AKAIN1: variants seen among roughly 807,000 people sequenced by gnomAD.
The protein encoded by AKAIN1 is A-kinase anchor protein inhibitor 1.
Under a neutral mutation model 3.7 loss-of-function variants are expected in AKAIN1, and 3 were observed. That is an observed-to-expected ratio of 0.82 (90% CI 0.37 to 2.12). AKAIN1 has a LOEUF of 2.12. Ranked by LOEUF, AKAIN1 falls within the 30% of genes most tolerant of loss-of-function variation. The pLI, the probability that AKAIN1 is intolerant of heterozygous loss-of-function variation, is 0.06. For synonymous variants in AKAIN1, 31 were observed against 30.8 expected (o/e 1.01, Z -0.02); for missense variants, 82 against 82.7 (o/e 0.99, Z 0.03).
chr18:5,191,315 G>A (rs1605154), intron 1 of AKAIN1, among the ~76,000 whole-genome samples: 135,410 of 152,196 alleles, frequency 0.89, 61,112 homozygotes, highest in East Asian at 1. Flanking sequence ...ATAGAAAACA[G>A]GGTCAACATG....
intron 1 of AKAIN1, among the ~76,000 whole-genome samples, chr18:5,147,871 A>G (rs1388888596): frequency 2.6e-5 from 4 of 152,214 alleles, no homozygotes; most frequent in Admixed American, 6.5e-5. Flanking sequence ...GACCAAGAAG[A>G]ATAGAAATTT....
At chr18:5,164,936 T>A (rs2071159522) in intron 1 of AKAIN1, among the ~76,000 whole-genome samples, 1 of 152,068 alleles carries the variant, frequency 6.6e-6, no homozygotes, top group African/African-American at 2.4e-5. Flanking sequence ...TAATATGTAT[T>A]CAATTATATC....
At chr18:5,164,795 T>A (rs754958931) in intron 1 of AKAIN1, among the ~76,000 whole-genome samples, 1 of 152,024 alleles carries the variant, frequency 6.6e-6, no homozygotes, top group African/African-American at 2.4e-5. Flanking sequence ...GCTCATAACA[T>A]TTATATCACC....
rs557016058 is a variant in AKAIN1 at position 5,144,507 on chromosome 18, T to C, written c.*1055A>G. Among the ~76,000 whole-genome samples, 1 of 152,374 alleles carries C rather than the reference T, an allele frequency of 6.6e-6. No homozygotes were observed. The highest frequency in any genetic ancestry group is 1.9e-4 in the East Asian group (1 of 5,188). On this transcript the variant is annotated 3_prime_UTR_variant, in exon 2 of 2. Transcript: ENST00000434239. ...ACTTTATTACACGTGTACACACACA[T>C]ATCTCTGTCACTGCATTCAAAACAC... is the stretch of plus-strand genomic sequence containing the variant.
intron 1 of AKAIN1, among the ~76,000 whole-genome samples, chr18:5,156,357 T>C (rs1468910328): frequency 2.6e-5 from 4 of 152,198 alleles, no homozygotes; most frequent in Non-Finnish European, 5.9e-5. Context: ...AATTCCCAGA[T>C]GTGACAAGTC....
chr18:5,195,709 T>C (rs938493659), intron 1 of AKAIN1, among the ~76,000 whole-genome samples: 2 of 152,228 alleles, frequency 1.3e-5, no homozygotes, highest in African/African-American at 4.8e-5. Flanking sequence ...ATGAAACTGC[T>C]TTGTAAAGTG....
At chr18:5,149,929 C>T (rs1257751844) in intron 1 of AKAIN1, among the ~76,000 whole-genome samples, 1 of 152,160 alleles carries the variant, frequency 6.6e-6, no homozygotes, top group East Asian at 1.9e-4. Flanking sequence ...ATCCTCCAGC[C>T]TCAGACTCCC....
intron 1 of AKAIN1, among the ~76,000 whole-genome samples, chr18:5,163,303 T>C (rs2143334306): frequency 6.6e-6 from 1 of 152,198 alleles, no homozygotes; most frequent in South Asian, 2.1e-4. Flanking sequence ...AAAAAGGTTT[T>C]AAAACATTAG....
At chr18:5,162,739 A>G in intron 1 of AKAIN1, among the ~76,000 whole-genome samples, 1 of 151,852 alleles carries the variant, frequency 6.6e-6, no homozygotes, top group East Asian at 1.9e-4. Flanking sequence ...TATAAAAAAT[A>G]AATCATCAAT....
At chr18:5,172,604 A>T (rs1034436030) in intron 1 of AKAIN1, among the ~76,000 whole-genome samples, 7 of 152,030 alleles carry the variant, frequency 4.6e-5, no homozygotes, top group African/African-American at 1.4e-4. Flanking sequence ...GCCTCTAAGA[A>T]ATTATTTTAC....
intron 1 of AKAIN1, among the ~76,000 whole-genome samples, chr18:5,160,982 C>A (rs138177061): frequency 1.7e-5 from 2 of 120,804 alleles, no homozygotes; most frequent in African/African-American, 5.1e-5. Context: ...AACAGCAAGT[C>A]TCTCCATTTT....
rs140999573 is a variant in AKAIN1, at chr18:5,183,599, T to C, written c.16+13439A>G. Reference sequence around the variant, plus strand: ...GCAAAATTTAAAAAAAAACCCAGTGTTGACTATAATGCAAAAGGTAGTTTA... The same window carrying C: ...GCAAAATTTAAAAAAAAACCCAGTGCTGACTATAATGCAAAAGGTAGTTTA... On this transcript the variant is annotated intron_variant, in intron 1 of 1. Coordinates refer to ENST00000434239, the MANE Select transcript of AKAIN1 (RefSeq NM_001145194.2). Among the ~76,000 whole-genome samples, 924 of 152,110 alleles carry C rather than the reference T, an allele frequency of 6.1e-3. 11 individuals carry two copies. Among genetic ancestry groups the C allele is most frequent in the African/African-American group, 0.021 (873 of 41,550 alleles).
chr18:5,147,158 G>C (rs2143304027), intron 1 of AKAIN1, among the ~76,000 whole-genome samples: 1 of 152,274 alleles, frequency 6.6e-6, no homozygotes, highest in Non-Finnish European at 1.5e-5. Context: ...ACAAGGACCA[G>C]AGCCATTAGA....
At chr18:5,170,045 T>C (rs951663361) in intron 1 of AKAIN1, among the ~76,000 whole-genome samples, 1 of 152,114 alleles carries the variant, frequency 6.6e-6, no homozygotes, top group Non-Finnish European at 1.5e-5. Flanking sequence ...AATTCACACA[T>C]TTGGGATATT....
At chr18:5,179,964 C>A (rs539561440) in intron 1 of AKAIN1, among the ~76,000 whole-genome samples, 5 of 152,216 alleles carry the variant, frequency 3.3e-5, no homozygotes, top group Middle Eastern at 3.4e-3. Context: ...ACAAACAGAG[C>A]CCCATGCTTG....
intron 1 of AKAIN1, among the ~76,000 whole-genome samples, chr18:5,159,756 T>C (rs1027142734): frequency 2.6e-5 from 4 of 152,218 alleles, no homozygotes; most frequent in African/African-American, 7.2e-5. Context: ...TTTGTCTGTT[T>C]AGCCACCACT....
intron 1 of AKAIN1, among the ~76,000 whole-genome samples, chr18:5,168,947 T>C (rs969384999): frequency 6.6e-6 from 1 of 151,592 alleles, no homozygotes; most frequent in African/African-American, 2.4e-5. Context: ...GGAGGTGTTT[T>C]AGTCAGGATT....
intron 1 of AKAIN1, among the ~76,000 whole-genome samples, chr18:5,150,285 C>T (rs1248053644): frequency 6.6e-6 from 1 of 152,208 alleles, no homozygotes; most frequent in Non-Finnish European, 1.5e-5. Flanking sequence ...TACACTACAA[C>T]CAACAGAAGG....
chr18:5,172,992 T>C (rs1347831894), intron 1 of AKAIN1, among the ~76,000 whole-genome samples: 1 of 152,106 alleles, frequency 6.6e-6, no homozygotes, highest in Admixed American at 6.6e-5. Context: ...TAAGTTACAA[T>C]ACATGGGAAA....
Sources: allele counts gnomAD v4.1 joint callset (sites outside exome capture counted in the v4.1 genomes callset), GRCh38; gene constraint gnomAD v4.1.1; transcripts MANE v1.5; gene names NCBI Gene and HGNC (gene_info 2026-07-23, HGNC 2026-07-21).